The following VWDE variants were observed in gnomAD, a reference collection of about 807,000 sequenced individuals.
The protein encoded by VWDE is von Willebrand factor D and EGF domain-containing protein.
A neutral mutation model predicts 178.4 loss-of-function variants in VWDE; 207 were observed. The ratio of observed to expected loss-of-function variants is 1.16; its 90% confidence interval spans 1.04 to 1.30. The LOEUF (loss-of-function observed/expected upper bound fraction) is 1.30, where lower values mean the gene tolerates loss of function less well. Ranked by LOEUF, VWDE falls within the 50% of genes most tolerant of loss-of-function variation. The pLI, the probability that VWDE is intolerant of heterozygous loss-of-function variation, is 0.00. For missense variants in VWDE, 2,287 were observed against 1,901.3 expected, an observed-to-expected ratio of 1.20 and a Z score of -3.77; for synonymous variants, 738 against 651.4, an observed-to-expected ratio of 1.13 and a Z score of -2.02.
chr7:12,391,970 G>A (rs1784409752), intron 2 of VWDE, among the ~76,000 whole-genome samples: 1 of 152,174 alleles, frequency 6.6e-6, no homozygotes, highest in African/African-American at 2.4e-5. Context: ...AAAATTGTGA[G>A]TGATGATGAA....
Position 12,367,482 on chromosome 7 carries a change from C to A in VWDE, c.2773G>T (p.Glu925Ter), listed in dbSNP as rs1336480519. ...DCSDSYDKAP[E>*]ITELGNAGFC... is the part of the protein sequence containing the mutation. Reference sequence around the variant, plus strand: ...CCAGCATTCCCAAGCTCTGTAATTTCAGGAGCTTTGTCTTTGGAAAAAAAA... The same window carrying A: ...CCAGCATTCCCAAGCTCTGTAATTTAAGGAGCTTTGTCTTTGGAAAAAAAA... Residue 925 changes from glutamate to a stop codon, truncating the protein, a stop_gained, in exon 13 of 29, where the codon GAA becomes TAA. Transcript: ENST00000275358. LOFTEE classifies it high-confidence loss of function. 4.0e-6 allele frequency: 6 copies of A among 1,509,920 alleles called. No individual in the cohort carries two copies. Among genetic ancestry groups the A allele is most frequent in the Non-Finnish European group, 5.3e-6 (6 of 1,128,984 alleles). The allele number at this position is 1,509,920 out of a possible 1,614,324, so 93.5% of individuals were successfully genotyped here. A position where few individuals can be genotyped will look rare whatever the true frequency, so the allele number is the denominator to read the frequency against.
chr7:12,359,823 A>G (rs1321288992), intron 15 of VWDE, 131 bp from the exon 16 acceptor site: 2 of 553,408 alleles, frequency 3.6e-6, no homozygotes, highest in Admixed American at 3.2e-5. Flanking sequence ...ATACTTCATA[A>G]TCGTAAGTGC....
At chr7:12,346,595 C>T (rs1781611175) in intron 19 of VWDE, among the ~76,000 whole-genome samples, 1 of 150,002 alleles carries the variant, frequency 6.7e-6, no homozygotes, top group East Asian at 2.0e-4. Flanking sequence ...GAAATTAAAA[C>T]ATTTTTACAC....
intron 1 of VWDE, among the ~76,000 whole-genome samples, chr7:12,395,851 T>G (rs1278804984): frequency 6.6e-6 from 1 of 152,088 alleles, no homozygotes; most frequent in Non-Finnish European, 1.5e-5. Flanking sequence ...TGGGCTCTCA[T>G]TTGAGGATCT....
At chr7:12,398,686 A>T (rs796339290) in intron 1 of VWDE, among the ~76,000 whole-genome samples, 2 of 152,280 alleles carry the variant, frequency 1.3e-5, no homozygotes, top group African/African-American at 4.8e-5. Flanking sequence ...TCAGTAATAC[A>T]TATACACCAT....
intron 1 of VWDE, among the ~76,000 whole-genome samples, chr7:12,395,220 G>A (rs1243664310): frequency 3.3e-5 from 5 of 151,622 alleles, no homozygotes; most frequent in African/African-American, 4.9e-5. Context: ...GTGTAGATAG[G>A]AGTCAAGGGA....
rs200134838 is a variant in VWDE at position 12,357,504 on chromosome 7, G to C, written c.3286C>G (p.Pro1096Ala). 8,587 of 1,552,048 alleles carry C rather than the reference G, an allele frequency of 5.5e-3. 31 individuals carry two copies. The highest frequency in any genetic ancestry group is 6.6e-3 in the Non-Finnish European group (7,525 of 1,147,080). ...TWSFLENNQP[P>A]VIQALQDKLQ... Reference sequence around the variant, plus strand: ...TTGTCTTGCAATGCTTGAATCACTGGGGGCTGGTTGTCTGTAATAGAGAAA... The same window carrying C: ...TTGTCTTGCAATGCTTGAATCACTGCGGGCTGGTTGTCTGTAATAGAGAAA... The change falls in exon 17 of 29, where the codon CCA becomes GCA. Residue 1096 changes from proline to alanine, a missense_variant. Physicochemically the swap from Pro to Ala is conservative, Grantham distance 27 (BLOSUM62 -1). Transcript: ENST00000275358.
chr7:12,370,793 G>A lies in VWDE; in HGVS notation c.1659C>T (p.Ala553=). 1.3e-6 allele frequency: 2 copies of A among 1,551,108 alleles called. No individual in the cohort carries two copies. Among genetic ancestry groups the A allele is most frequent in the Admixed American group, 3.9e-5 (2 of 50,950 alleles). The change falls in exon 11 of 29, where the codon GCC becomes GCT. Residue 553 remains alanine (A), a synonymous_variant. Transcript: ENST00000275358. ...GAGTGTTTCTGTAATCTACACTAGG[G>A]GCTCTGATCGTTAGACTCATGCCCC... The part of the protein sequence containing the change: ...GEWGMSLTIR[A]PSVDYRNTLG...
chr7:12,354,419 T>G (rs528895444), intron 18 of VWDE: 36 of 443,574 alleles, frequency 8.1e-5, no homozygotes, highest in South Asian at 5.7e-4. Flanking sequence ...CCAAAGGTAT[T>G]CAGGCATGCT....
intron 18 of VWDE, among the ~76,000 whole-genome samples, chr7:12,352,376 C>A (rs1781992331): frequency 6.6e-6 from 1 of 152,108 alleles, no homozygotes; most frequent in South Asian, 2.1e-4. Flanking sequence ...GACTCTGGTA[C>A]CTATCATAAA....
rs1420112498 is a variant in VWDE at position 12,369,768 on chromosome 7, A to G, written c.2538T>C (p.Asp846=). 6.4e-6 allele frequency: 10 copies of G among 1,551,492 alleles called. No individual in the cohort carries two copies. The highest frequency in any genetic ancestry group is 7.8e-6 in the Non-Finnish European group (9 of 1,146,926). The change falls in exon 12 of 29, where the codon GAT becomes GAC. Residue 846 remains aspartate (D), a synonymous_variant. Coordinates refer to ENST00000275358, the MANE Select transcript of VWDE (RefSeq NM_001135924.3). ...EMCVKDVLLK[D]DLSWAEAGVA... is the part of the protein sequence containing the mutation. ...CACCTGCTTCTGCCCAACTAAGATC[A>G]TCTTTTAACAGAACATCCTTCACAC...
intron 28 of VWDE, among the ~76,000 whole-genome samples, chr7:12,332,324 G>A (rs1021455108): frequency 3.3e-5 from 5 of 151,968 alleles, no homozygotes; most frequent in African/African-American, 9.7e-5. Flanking sequence ...CCTTCCCCAT[G>A]GCCTTCTGGC....
intron 19 of VWDE, among the ~76,000 whole-genome samples, chr7:12,349,806 A>T (rs1417710510): frequency 6.6e-6 from 1 of 152,122 alleles, no homozygotes; most frequent in Non-Finnish European, 1.5e-5. Context: ...GAAAGATACA[A>T]CTAAACAACT....
At chr7:12,382,704 C>A (rs1783914613) in intron 4 of VWDE, among the ~76,000 whole-genome samples, 1 of 151,660 alleles carries the variant, frequency 6.6e-6, no homozygotes, top group Admixed American at 6.6e-5. Context: ...TTTCAGTTAT[C>A]CTATTTGGCT....
intron 7 of VWDE, among the ~76,000 whole-genome samples, chr7:12,376,364 G>A (rs1583326052): frequency 6.6e-6 from 1 of 151,984 alleles, no homozygotes; most frequent in African/African-American, 2.4e-5. Flanking sequence ...ACAAGATGAG[G>A]GGTATCCAGA....
chr7:12,363,638 T>A (rs1782698779), intron 13 of VWDE, among the ~76,000 whole-genome samples: 1 of 151,994 alleles, frequency 6.6e-6, no homozygotes, highest in Admixed American at 6.6e-5. Flanking sequence ...TAGTAAGGAT[T>A]AACCAGAAAA....
Position 12,392,141 on chromosome 7 carries a change from C to G in VWDE, c.243+1453G>C, listed in dbSNP as rs554374801. On this transcript the variant is annotated intron_variant, in intron 2 of 28. Transcript: ENST00000275358. ...ATAAGGGAGAAGATCAGGTACATGACTTTGGTCATGTGACTCATGCTTAGT... is the reference window on the plus strand; with the variant it reads ...ATAAGGGAGAAGATCAGGTACATGAGTTTGGTCATGTGACTCATGCTTAGT... Among the ~76,000 whole-genome samples, 39 of 152,310 alleles carry G rather than the reference C, an allele frequency of 2.6e-4. No homozygotes were observed. In the South Asian group the frequency reaches 3.7e-3, roughly 15 times the overall value.
chr7:12,348,870 T>C (rs1289730499), intron 19 of VWDE, among the ~76,000 whole-genome samples: 1 of 151,322 alleles, frequency 6.6e-6, no homozygotes, highest in Non-Finnish European at 1.5e-5. Flanking sequence ...ATGTGGCACA[T>C]ATACACCATG....
intron 13 of VWDE, among the ~76,000 whole-genome samples, chr7:12,366,759 T>C (rs1029444265): frequency 6.6e-6 from 1 of 152,100 alleles, no homozygotes; most frequent in African/African-American, 2.4e-5. Context: ...CTTTTGAAAT[T>C]CATAGAGTCA....
Sources: allele counts gnomAD v4.1 joint callset (sites outside exome capture counted in the v4.1 genomes callset), GRCh38; gene constraint gnomAD v4.1.1; transcripts MANE v1.5; gene names NCBI Gene and HGNC (gene_info 2026-07-23, HGNC 2026-07-21).